The following SCAMP4 variants were observed in gnomAD, a reference collection of about 807,000 sequenced individuals.
SCAMP4 encodes the protein secretory carrier-associated membrane protein 4.
A neutral mutation model predicts 32.1 loss-of-function variants in SCAMP4; 19 were observed. That is an observed-to-expected ratio of 0.59 (90% CI 0.41 to 0.87). The LOEUF is 0.87. Ranked by LOEUF, SCAMP4 falls within the 40% of genes least tolerant of loss-of-function variation. The pLI is 0.00. For synonymous variants in SCAMP4, 152 were observed against 132.7 expected, an observed-to-expected ratio of 1.15 and a Z score of -1.00; for missense variants, 302 against 309.0, an observed-to-expected ratio of 0.98 and a Z score of 0.17.
chr19:1,911,084 C>T (rs2013419303), intron 1 of SCAMP4, among the ~76,000 whole-genome samples: 1 of 151,994 alleles, frequency 6.6e-6, no homozygotes, highest in African/African-American at 2.4e-5. Context: ...ACCGTGTTAG[C>T]CAGGATGGTC....
chr19:1,907,430 CAG>C (rs1370822800), intron 1 of SCAMP4, among the ~76,000 whole-genome samples: 3 of 150,974 alleles, frequency 2.0e-5, no homozygotes, highest in Non-Finnish European at 4.4e-5. Context: ...TCCCATTTCA[CAG>C]GGGTGGAAGC....
Position 1,912,063 on chromosome 19 carries a change from C to G in SCAMP4, c.-41-2916C>G, listed in dbSNP as rs770766635. On this transcript the variant is annotated intron_variant, in intron 1 of 6. Coordinates refer to ENST00000316097, the MANE Select transcript of SCAMP4 (RefSeq NM_079834.4). ...CAGCCGCCGGATGATCCTCTGCTCC[C>G]GTCTCTGTCTCCCACAGTCGGCCTC... The G allele has an allele frequency of 4.9e-6, 7 of 1,435,216 alleles. No homozygotes were observed. In the African/African-American group the frequency reaches 5.9e-5, roughly 12 times the overall value. 88.9% of individuals were successfully genotyped at this position (1,435,216 alleles called of 1,614,324 possible).
chr19:1,917,810 CG>C lies in SCAMP4; in HGVS notation c.126del (p.Leu43CysfsTer76). The C allele has an allele frequency of 6.2e-7, 1 of 1,613,960 alleles. No individual in the cohort carries two copies. The highest frequency in any genetic ancestry group is 8.5e-7 in the Non-Finnish European group (1 of 1,179,884). ...CCAGGTCCTGGTGAAGAGGATCTACCGGCTGTGGATGTGTGAGTGCGCCTGG... is the reference window on the plus strand; with the variant it reads ...CCAGGTCCTGGTGAAGAGGATCTACCGCTGTGGATGTGTGAGTGCGCCTGG... ...EHQVLVKRIY[R>X]LWMFYCATLG... is the part of the protein sequence containing the mutation. On this transcript the variant is annotated frameshift_variant, in exon 3 of 7. Transcript: ENST00000316097. LOFTEE classifies it high-confidence loss of function.
At chr19:1,916,324 G>T (rs1162395542) in intron 2 of SCAMP4, among the ~76,000 whole-genome samples, 2 of 152,180 alleles carry the variant, frequency 1.3e-5, no homozygotes, top group Non-Finnish European at 2.9e-5. Context: ...TGAGCCAAGG[G>T]CGCTGGGATC....
intron 6 of SCAMP4, 140 bp downstream of exon 6, chr19:1,923,327 T>C: frequency 2.8e-6 from 2 of 703,616 alleles, no homozygotes; most frequent in Non-Finnish European, 2.3e-6. Flanking sequence ...TCCCCAGCAG[T>C]GAGCTGGGAT....
intron 1 of SCAMP4, among the ~76,000 whole-genome samples, chr19:1,909,907 G>T (rs1176263001): frequency 6.6e-6 from 1 of 152,218 alleles, no homozygotes; most frequent in African/African-American, 2.4e-5. Flanking sequence ...TACGTTTCGT[G>T]GCTTGTCTTC....
chr19:1,913,173 A>G (rs2145440598), intron 1 of SCAMP4: 2 of 1,500,344 alleles, frequency 1.3e-6, no homozygotes, highest in African/African-American at 1.4e-5. Flanking sequence ...CTGCCTCCGG[A>G]CCCTTCCCGC....
intron 6 of SCAMP4, among the ~76,000 whole-genome samples, chr19:1,923,466 C>T (rs377646356): frequency 9.9e-5 from 15 of 152,284 alleles, no homozygotes; most frequent in East Asian, 7.7e-4. Context: ...GTGTGTAAAC[C>T]GCAGTGTTTG....
chr19:1,912,104 C>T (rs1353036722), intron 1 of SCAMP4: 13 of 1,509,250 alleles, frequency 8.6e-6, no homozygotes, highest in East Asian at 2.5e-5. Context: ...GGATGGAGCC[C>T]GCCCCGGGCC....
chr19:1,921,428 G>T, intron 5 of SCAMP4: 1 of 985,412 alleles, frequency 1.0e-6, no homozygotes, highest in Non-Finnish European at 1.2e-6. Flanking sequence ...CGGCAGCCAG[G>T]TACTGAGGAC....
rs2013046661 is a variant in SCAMP4 at position 1,905,424 on chromosome 19, C to G, written c.-57C>G. ...AAGACTTGGCGAAGCGCTGCGCTCG[C>G]GCCCGGATCCCTCAGGTAAGCGCGC... On this transcript the variant is annotated 5_prime_UTR_variant, in exon 1 of 7. Transcript: ENST00000316097. The G allele has an allele frequency of 2.2e-6, 1 of 463,230 alleles. No homozygotes were observed. The highest frequency in any genetic ancestry group is 2.0e-5 in the African/African-American group (1 of 49,154). The allele number at this position is 463,230 out of a possible 1,614,324, so 28.7% of individuals were successfully genotyped here. A position where few individuals can be genotyped will look rare whatever the true frequency, so the allele number is the denominator to read the frequency against.
intron 5 of SCAMP4, chr19:1,922,502 T>C (rs1250987392): frequency 3.1e-6 from 3 of 979,758 alleles, no homozygotes; most frequent in Non-Finnish European, 3.6e-6. Context: ...CCCAAAGTGC[T>C]GGGACGACAG....
In SCAMP4 at chr19:1,912,726, G is replaced by A. The variant is rs778953324; in HGVS notation, c.-41-2253G>A. ...GGCCTCGGACCGCGTGCTGGCCACCGGCCACGACTGCAGCTGCGCGGACAA... is the reference window on the plus strand; with the variant it reads ...GGCCTCGGACCGCGTGCTGGCCACCAGCCACGACTGCAGCTGCGCGGACAA... On this transcript the variant is annotated intron_variant, in intron 1 of 6. Transcript: ENST00000316097. The A allele has an allele frequency of 1.6e-5, 24 of 1,528,622 alleles. No homozygotes were observed. In the South Asian group the frequency reaches 2.3e-4, roughly 15 times the overall value. 94.7% of individuals were successfully genotyped at this position (1,528,622 alleles called of 1,614,324 possible). A position where few individuals can be genotyped will look rare whatever the true frequency, so the allele number is the denominator to read the frequency against.
Position 1,923,148 on chromosome 19 carries a change from C to G in SCAMP4, c.474C>G (p.Phe158Leu). The change falls in exon 6 of 7, where the codon TTC becomes TTG. Residue 158 changes from phenylalanine to leucine, a missense_variant. Coordinates refer to ENST00000316097, the MANE Select transcript of SCAMP4 (RefSeq NM_079834.4). ...AVVMLLPAIM[F>L]SVSAAMMAIA... ...TCATGCTGCTTCCAGCCATCATGTT[C>G]TCCGTGTCGGCTGCCATGATGGCCA... 6.4e-7 allele frequency: 1 copy of G among 1,552,272 alleles called. No homozygotes were observed. Among genetic ancestry groups the G allele is most frequent in the East Asian group, 2.4e-5 (1 of 41,048 alleles).
At position 1,911,835 on chromosome 19, in the gene SCAMP4, G is replaced by A. The variant is rs574422168; in HGVS notation, c.-41-3144G>A. On this transcript the variant is annotated intron_variant, in intron 1 of 6. Transcript: ENST00000316097. ...GAAAATGATCTGTCTTCTGGTAGGTGAATTATATCTTCGTTTTTAAAAACC... is the reference window on the plus strand; with the variant it reads ...GAAAATGATCTGTCTTCTGGTAGGTAAATTATATCTTCGTTTTTAAAAACC... 4.9e-4 allele frequency: 224 copies of A among 458,712 alleles called. 2 individuals carry two copies. Among genetic ancestry groups the A allele is most frequent in the South Asian group, 7.4e-4 (11 of 14,896 alleles). 28.4% of individuals were successfully genotyped at this position (458,712 alleles called of 1,614,324 possible).
At position 1,915,164 on chromosome 19, in the gene SCAMP4, G is replaced by A. The variant is rs571366069; in HGVS notation, c.7+138G>A. 8.7e-4 allele frequency: 880 copies of A among 1,014,762 alleles called. 14 individuals carry two copies. Among genetic ancestry groups the A allele is most frequent in the South Asian group, 5.9e-3 (431 of 73,096 alleles). The allele number at this position is 1,014,762 out of a possible 1,614,324, so 62.9% of individuals were successfully genotyped here. ...CCTGGCCTCTGACTCCTCGGGTCCC[G>A]TAGCCCAGCACAGCTGGAGTCACGC... On this transcript the variant is annotated intron_variant, in intron 2 of 6. Transcript: ENST00000316097.
At chr19:1,920,463 G>A (rs1249074158) in intron 5 of SCAMP4, 1 of 647,620 alleles carries the variant, frequency 1.5e-6, no homozygotes, top group Non-Finnish European at 1.9e-6. Flanking sequence ...CTGGCGCCAG[G>A]CCCTCCAGGG....
intron 1 of SCAMP4, among the ~76,000 whole-genome samples, chr19:1,910,507 T>C (rs1324679044): frequency 1.3e-5 from 2 of 151,948 alleles, no homozygotes; most frequent in Non-Finnish European, 2.9e-5. Context: ...GTGGTGATGG[T>C]TGCACAACTC....
chr19:1,920,247 G>T, intron 5 of SCAMP4: 1 of 985,472 alleles, frequency 1.0e-6, no homozygotes, highest in Non-Finnish European at 1.2e-6. Flanking sequence ...CACGGGTGAC[G>T]CTGCTCACGG....
Sources: gnomAD v4.1 joint callset for allele counts (sites outside exome capture counted in the v4.1 genomes callset) on GRCh38, gnomAD v4.1.1 for gene constraint, MANE v1.5 for transcripts, NCBI Gene and HGNC (gene_info 2026-07-23, HGNC 2026-07-21) for gene names.